Variants in EMB observed in about 807,000 individuals in gnomAD.
EMB encodes the protein embigin homolog.
A neutral mutation model predicts 41.4 loss-of-function variants in EMB; 31 were observed. The observed-to-expected ratio is 0.75, with a 90% confidence interval of 0.56 to 1.01. The LOEUF (loss-of-function observed/expected upper bound fraction) is 1.01, where lower values mean the gene tolerates loss of function less well. EMB is among the 50% of genes least tolerant of loss of function. EMB has a pLI of 0.00. For synonymous variants in EMB, 137 were observed against 140.4 expected (o/e 0.98, Z 0.17); for missense variants, 379 against 388.3 (o/e 0.98, Z 0.20).
intron 5 of EMB, among the ~76,000 whole-genome samples, chr5:50,404,325 G>A (rs1226104525): frequency 6.6e-6 from 1 of 151,874 alleles, no homozygotes; most frequent in Non-Finnish European, 1.5e-5. Context: ...GCACAACACT[G>A]CCTGGAATGT....
intron 2 of EMB, among the ~76,000 whole-genome samples, chr5:50,414,528 C>CAAAA (rs34645448): frequency 6.6e-4 from 31 of 46,702 alleles, no homozygotes; most frequent in Non-Finnish European, 1.0e-3. Context: ...CTGTCTCAGG[C>CAAAA]AAAAAAAAAA....
intron 2 of EMB, among the ~76,000 whole-genome samples, chr5:50,426,752 A>C (rs868829162): frequency 3.9e-5 from 6 of 152,274 alleles, no homozygotes; most frequent in African/African-American, 1.4e-4. Flanking sequence ...GAAAATATGA[A>C]AACACTCCAT....
rs1232297514 is a variant in EMB, at chr5:50,405,587, T to C, written c.600+138A>G. ...CAACTCTGTTTGTCACTGCTCTTTC[T>C]TTATGAACATAAGCTAAACAACAAG... is the stretch of plus-strand genomic sequence containing the variant. On this transcript the variant is annotated intron_variant, in intron 5 of 8. Coordinates refer to ENST00000303221, the MANE Select transcript of EMB (RefSeq NM_198449.3). The C allele has an allele frequency of 3.9e-6, 5 of 1,270,206 alleles. No homozygotes were observed. In the African/African-American group the frequency reaches 4.7e-5, roughly 12 times the overall value. The allele number at this position is 1,270,206 out of a possible 1,614,324, so 78.7% of individuals were successfully genotyped here.
At chr5:50,443,297 T>TG (rs1208484903), upstream of EMB, 1 of 152,206 alleles carries the variant, frequency 6.6e-6, no homozygotes, top group African/African-American at 2.4e-5. Context: ...CACGGCTCAC[T>TG]GCAGCCTTGA....
chr5:50,422,443 A>C (rs1325836206), intron 2 of EMB, among the ~76,000 whole-genome samples: 2 of 152,246 alleles, frequency 1.3e-5, no homozygotes, highest in African/African-American at 4.8e-5. Flanking sequence ...TTGTAAAACA[A>C]TGTAACAGTA....
chr5:50,435,617 C>T (rs114136543), intron 1 of EMB, among the ~76,000 whole-genome samples: 1,645 of 152,266 alleles, frequency 0.011, 21 homozygotes, highest in African/African-American at 0.034. Flanking sequence ...TCTCAGATGG[C>T]ATACCATTTT....
At chr5:50,400,973 C>T (rs1412268302) in intron 7 of EMB, among the ~76,000 whole-genome samples, 1 of 151,920 alleles carries the variant, frequency 6.6e-6, no homozygotes, top group African/African-American at 2.4e-5. Context: ...TAGAGGAATC[C>T]GAGCAAGGTT....
chr5:50,419,094 CAG>C (rs1745473613), intron 2 of EMB, among the ~76,000 whole-genome samples: 1 of 152,218 alleles, frequency 6.6e-6, no homozygotes, highest in Non-Finnish European at 1.5e-5. Flanking sequence ...TGAGGTTACA[CAG>C]GGGACAAGAT....
intron 2 of EMB, among the ~76,000 whole-genome samples, chr5:50,417,777 A>G (rs1192593232): frequency 1.3e-5 from 2 of 152,206 alleles, no homozygotes; most frequent in East Asian, 3.8e-4. Context: ...TTTTACACAG[A>G]CATCCTCAAA....
upstream of EMB, chr5:50,442,869 T>G (rs796691439): frequency 6.6e-6 from 1 of 152,162 alleles, no homozygotes; most frequent in South Asian, 2.1e-4. Context: ...TCTCATAAAA[T>G]CCTTAGACAC....
chr5:50,431,380 G>C (rs1174865299), intron 1 of EMB, among the ~76,000 whole-genome samples: 2 of 152,184 alleles, frequency 1.3e-5, no homozygotes, highest in Admixed American at 1.3e-4. Flanking sequence ...GCTGGCAGGA[G>C]GCTGATTCAG....
At chr5:50,420,358 C>A (rs1014039080) in intron 2 of EMB, among the ~76,000 whole-genome samples, 1 of 152,142 alleles carries the variant, frequency 6.6e-6, no homozygotes, top group Non-Finnish European at 1.5e-5. Flanking sequence ...TGATGCCAAT[C>A]CTTGATATTT....
Position 50,400,942 on chromosome 5 carries a change from T to G in EMB, c.912-1029A>C, listed in dbSNP as rs553098724. On this transcript the variant is annotated intron_variant, in intron 7 of 8. Coordinates refer to ENST00000303221, the MANE Select transcript of EMB (RefSeq NM_198449.3). ...AGCTCAGAAGAATGGTTAGAGACAG[T>G]GGGAGGCAGAGCTCGGAGAATAGAG... Among the ~76,000 whole-genome samples the G allele has an allele frequency of 3.3e-4, 50 of 152,072 alleles. 2 individuals are homozygous for G. The highest frequency in any genetic ancestry group is 1.2e-3 in the African/African-American group (50 of 41,516).
At position 50,440,999 on chromosome 5, in the gene EMB, G is replaced by T. The variant is rs946534124; in HGVS notation, c.112+41C>A. 5 of 1,266,314 alleles carry T rather than the reference G, an allele frequency of 3.9e-6. No individual in the cohort carries two copies. In the African/African-American group the frequency reaches 4.7e-5, roughly 12 times the overall value. 78.4% of individuals were successfully genotyped at this position (1,266,314 alleles called of 1,614,324 possible). A position where few individuals can be genotyped will look rare whatever the true frequency, so the allele number is the denominator to read the frequency against. On this transcript the variant is annotated intron_variant, in intron 1 of 8. Coordinates refer to ENST00000303221, the MANE Select transcript of EMB (RefSeq NM_198449.3). ...GCCCGCGGGGACCCGAGCCTCGCGC[G>T]CCCTCCGCCCTCCCTACCCTGGACC...
chr5:50,418,799 A>C (rs556900563), intron 2 of EMB, among the ~76,000 whole-genome samples: 1 of 152,276 alleles, frequency 6.6e-6, no homozygotes, highest in African/African-American at 2.4e-5. Flanking sequence ...CAGTTTTCTC[A>C]TCAATTCTGC....
chr5:50,406,721 C>T (rs1745255354), intron 4 of EMB, among the ~76,000 whole-genome samples: 1 of 151,656 alleles, frequency 6.6e-6, no homozygotes, highest in Non-Finnish European at 1.5e-5. Context: ...TTACTTTTTT[C>T]AATTTTAGCA....
chr5:50,405,375 G>A (rs1254258720), intron 5 of EMB, among the ~76,000 whole-genome samples: 1 of 151,732 alleles, frequency 6.6e-6, no homozygotes, highest in Non-Finnish European at 1.5e-5. Flanking sequence ...TTACTTTCAT[G>A]GAATGATTTT....
At chr5:50,425,425 T>C (rs755936890) in intron 2 of EMB, among the ~76,000 whole-genome samples, 2 of 152,160 alleles carry the variant, frequency 1.3e-5, no homozygotes, top group Non-Finnish European at 2.9e-5. Flanking sequence ...GTCAGCTGTT[T>C]ATTTTTATTT....
chr5:50,440,533 CAAAAAAAAAAAAA>C (rs70972912), intron 1 of EMB, among the ~76,000 whole-genome samples: 3 of 60,040 alleles, frequency 5.0e-5, no homozygotes, highest in Admixed American at 2.2e-4. Flanking sequence ...AACTCCGTCT[CAAAAAAAAAAAAA>C]AAAAAAAAAA....
Sources: allele counts gnomAD v4.1 joint callset (sites outside exome capture counted in the v4.1 genomes callset), GRCh38; gene constraint gnomAD v4.1.1; transcripts MANE v1.5; gene names NCBI Gene and HGNC (gene_info 2026-07-23, HGNC 2026-07-21).